Variants in FAM81A observed in about 807,000 individuals in gnomAD.
The protein encoded by FAM81A is protein FAM81A.
Under a neutral mutation model 46.7 loss-of-function variants are expected in FAM81A, and 19 were observed. That is an observed-to-expected ratio of 0.41 (90% CI 0.28 to 0.60). The LOEUF (loss-of-function observed/expected upper bound fraction) is 0.60, where lower values mean the gene tolerates loss of function less well. Ranked by LOEUF, FAM81A falls within the 20% of genes least tolerant of loss-of-function variation. FAM81A has a pLI of 0.34. For synonymous variants in FAM81A, 183 were observed against 152.9 expected, an observed-to-expected ratio of 1.20 and a Z score of -1.45; for missense variants, 377 against 453.5, an observed-to-expected ratio of 0.83 and a Z score of 1.53.
At chr15:59,496,712 CTG>C (rs1319635186) in intron 4 of FAM81A, among the ~76,000 whole-genome samples, 2 of 152,184 alleles carry the variant, frequency 1.3e-5, no homozygotes, top group Non-Finnish European at 2.9e-5. Flanking sequence ...TGGTACCACA[CTG>C]TCTTGATTGC....
At chr15:59,515,520 C>A (rs1487794852) in intron 7 of FAM81A, among the ~76,000 whole-genome samples, 1 of 152,142 alleles carries the variant, frequency 6.6e-6, no homozygotes, top group Non-Finnish European at 1.5e-5. Context: ...TGCCATAACC[C>A]ACTTACAGCT....
intron 6 of FAM81A, 37 bp downstream of exon 6, chr15:59,509,006 G>T (rs2082177597): frequency 1.1e-5 from 16 of 1,520,130 alleles, no homozygotes; most frequent in African/African-American, 2.8e-5. Context: ...AAAACTTAAA[G>T]TTCTTTATGA....
intron 2 of FAM81A, chr15:59,402,472 C>A (rs2081075661): frequency 6.6e-6 from 1 of 152,238 alleles, no homozygotes; most frequent in South Asian, 2.1e-4. Flanking sequence ...AGACTAGTGG[C>A]TCACAGGCCA....
At chr15:59,434,493 A>G (rs1427320446), upstream of FAM81A, among the ~76,000 whole-genome samples, 3 of 152,164 alleles carry the variant, frequency 2.0e-5, no homozygotes, top group Non-Finnish European at 4.4e-5. Flanking sequence ...GTGACTTTCT[A>G]TTCACTAAAT....
At chr15:59,507,384 T>C in intron 5 of FAM81A, 42 bp downstream of exon 5, 1 of 1,597,010 alleles carries the variant, frequency 6.3e-7, no homozygotes, top group Non-Finnish European at 8.5e-7. Context: ...GGGTAATTTG[T>C]TCTTAGCTAA....
intron 6 of FAM81A, among the ~76,000 whole-genome samples, 163 bp downstream of exon 6, chr15:59,509,132 A>G (rs2082178774): frequency 6.6e-6 from 1 of 152,210 alleles, no homozygotes; most frequent in Admixed American, 6.5e-5. Flanking sequence ...CTTTTCCTTC[A>G]TAATTATTGT....
Position 59,418,159 on chromosome 15 carries a change from T to C in FAM81A, c.-78+15801T>C, listed in dbSNP as rs113932048. 4.5e-3 allele frequency among the ~76,000 whole-genome samples: 680 copies of C among 152,338 alleles called. 1 individual carries two copies. The highest frequency in any genetic ancestry group is 0.01 in the Middle Eastern group (3 of 294). Reference sequence around the variant, plus strand: ...TTGTCGGGAAGACAAGCTGACACTTTCTTCTCTTCTAGAGCACAAATACGG... The same window carrying C: ...TTGTCGGGAAGACAAGCTGACACTTCCTTCTCTTCTAGAGCACAAATACGG... On this transcript the variant is annotated intron_variant, in intron 2 of 4. Transcript: ENST00000558348.
At chr15:59,428,055 T>C (rs2081202795) in intron 2 of FAM81A, among the ~76,000 whole-genome samples, 1 of 152,208 alleles carries the variant, frequency 6.6e-6, no homozygotes, top group Admixed American at 6.5e-5. Context: ...TCTGCACATC[T>C]TTGCCAGCGT....
chr15:59,452,951 T>G (rs1238580822), intron 1 of FAM81A, among the ~76,000 whole-genome samples: 1 of 152,128 alleles, frequency 6.6e-6, no homozygotes, highest in African/African-American at 2.4e-5. Context: ...TTTGTAGAGA[T>G]AGGATTTTGC....
chr15:59,504,311 A>C (rs1172895594), intron 4 of FAM81A, among the ~76,000 whole-genome samples: 1 of 152,242 alleles, frequency 6.6e-6, no homozygotes, highest in African/African-American at 2.4e-5. Flanking sequence ...TATGTCAAGT[A>C]TCTAGTACAG....
intron 2 of FAM81A, among the ~76,000 whole-genome samples, chr15:59,427,992 A>T (rs1442383935): frequency 6.6e-6 from 1 of 152,252 alleles, no homozygotes; most frequent in African/African-American, 2.4e-5. Context: ...ACTGTTCTCC[A>T]TAGTGGCTGT....
At chr15:59,494,065 G>T (rs923264372) in intron 4 of FAM81A, among the ~76,000 whole-genome samples, 8 of 152,232 alleles carry the variant, frequency 5.3e-5, no homozygotes, top group African/African-American at 2.4e-5. Context: ...GGGGATTCCA[G>T]ATATGTTACC....
chr15:59,428,822 G>C (rs2081206706), intron 2 of FAM81A, among the ~76,000 whole-genome samples: 1 of 151,782 alleles, frequency 6.6e-6, no homozygotes, highest in Non-Finnish European at 1.5e-5. Context: ...GTAGAGATGG[G>C]GTTTTGCCAT....
Position 59,468,390 on chromosome 15 carries a change from G to A in FAM81A, c.294+8184G>A, listed in dbSNP as rs146224661. Among the ~76,000 whole-genome samples the A allele has an allele frequency of 9.4e-3, 1,436 of 152,204 alleles. 20 individuals are homozygous for A. Among genetic ancestry groups the A allele is most frequent in the African/African-American group, 0.033 (1,368 of 41,508 alleles). ...TATTATTGCCTCAATTTTAGAGCCT[G>A]TTACTGGTCTATTCAGAGATTCAAC... On this transcript the variant is annotated intron_variant, in intron 3 of 8. Coordinates refer to ENST00000288228, the MANE Select transcript of FAM81A (RefSeq NM_152450.3).
At chr15:59,521,201 T>C (rs2141857069) in intron 8 of FAM81A, 53 bp from the exon 9 acceptor site, 1 of 1,578,620 alleles carries the variant, frequency 6.3e-7, no homozygotes, top group East Asian at 2.3e-5. Context: ...TAGAATTTGA[T>C]ACAGCATTTT....
At chr15:59,412,309 T>C (rs1386427653) in intron 2 of FAM81A, among the ~76,000 whole-genome samples, 4 of 152,166 alleles carry the variant, frequency 2.6e-5, no homozygotes, top group Non-Finnish European at 4.4e-5. Context: ...GAGAAAAGAC[T>C]TGCTGAAACA....
intron 3 of FAM81A, among the ~76,000 whole-genome samples, chr15:59,483,465 A>G (rs58433957): frequency 0.13 from 19,793 of 152,052 alleles, 2,162 homozygotes; most frequent in African/African-American, 0.3. Flanking sequence ...ATACACAAGT[A>G]TTTTCTTTAT....
intron 2 of FAM81A, among the ~76,000 whole-genome samples, chr15:59,419,135 G>A (rs1231124622): frequency 1.3e-5 from 2 of 152,154 alleles, no homozygotes; most frequent in African/African-American, 4.8e-5. Flanking sequence ...CTAGGGTAAT[G>A]TCCTGAACAC....
intron 1 of FAM81A, among the ~76,000 whole-genome samples, chr15:59,449,572 G>C (rs1465641935): frequency 6.6e-6 from 1 of 152,050 alleles, no homozygotes; most frequent in Non-Finnish European, 1.5e-5. Context: ...ACGAGGTCAG[G>C]AGATCGAGAC....
Sources: gnomAD v4.1 joint callset for allele counts (sites outside exome capture counted in the v4.1 genomes callset) on GRCh38, gnomAD v4.1.1 for gene constraint, MANE v1.5 for transcripts, NCBI Gene and HGNC (gene_info 2026-07-23, HGNC 2026-07-21) for gene names.